MAP3K20: variants seen among roughly 807,000 people sequenced by gnomAD.
MAP3K20 encodes HCCS-4.
MAP3K20 carries 40 observed loss-of-function variants against 85.7 expected under a neutral mutation model. The ratio of observed to expected loss-of-function variants is 0.47; its 90% CI spans 0.36 to 0.61. The LOEUF (loss-of-function observed/expected upper bound fraction) is 0.61. Ranked by LOEUF, MAP3K20 falls within the 20% of genes least tolerant of loss-of-function variation. The probability of loss-of-function intolerance (pLI) is 0.00; values close to 1 mark genes in which losing one functional copy is unlikely to be tolerated. For synonymous variants in MAP3K20, 325 were observed against 327.7 expected, an observed-to-expected ratio of 0.99 and a Z score of 0.09; for missense variants, 817 against 961.7, an observed-to-expected ratio of 0.85 and a Z score of 1.99.
At chr2:173,233,825 G>T (rs1684583708) in intron 14 of MAP3K20, among the ~76,000 whole-genome samples, 1 of 152,140 alleles carries the variant, frequency 6.6e-6, no homozygotes, top group Non-Finnish European at 1.5e-5. Context: ...CATCCTTACG[G>T]ACTCTCAGCA....
chr2:173,232,163 CA>C (rs1486492702), intron 12 of MAP3K20, 28 bp from the exon 13 acceptor site: 10 of 1,614,062 alleles, frequency 6.2e-6, no homozygotes, highest in Non-Finnish European at 6.8e-6. Flanking sequence ...TGTGAATCTT[CA>C]AAACCGTATG....
chr2:173,249,990 G>A (rs535510478), intron 16 of MAP3K20, among the ~76,000 whole-genome samples: 2 of 151,966 alleles, frequency 1.3e-5, no homozygotes, highest in Admixed American at 6.5e-5. Flanking sequence ...TATCTCCACC[G>A]GTGTCTACTT....
intron 1 of MAP3K20, among the ~76,000 whole-genome samples, chr2:173,082,324 C>A (rs56193548): frequency 0.27 from 41,031 of 152,104 alleles, 6,869 homozygotes; most frequent in Non-Finnish European, 0.37. Flanking sequence ...GCCTCTTGAT[C>A]ATCAAAACAT....
rs546524598 is a variant in MAP3K20, at chr2:173,206,621, C to A, written c.744+2751C>A. ...TTCCTTGGTTATTCTATTTATCCCA[C>A]CCCAGGCTTAGCACTTTTCCTAAAC... On this transcript the variant is annotated intron_variant, in intron 9 of 19. Transcript: ENST00000375213. 4.5e-5 allele frequency among the ~76,000 whole-genome samples: 6 copies of A among 132,468 alleles called. No individual in the cohort carries two copies. In the South Asian group the frequency reaches 1.4e-3, roughly 30 times the overall value. 86.9% of individuals were successfully genotyped at this position (132,468 alleles called of 152,430 possible).
At chr2:173,209,943 T>C (rs1323373891) in intron 10 of MAP3K20, 108 bp downstream of exon 10, 2 of 994,916 alleles carry the variant, frequency 2.0e-6, no homozygotes, top group Non-Finnish European at 3.1e-6. Flanking sequence ...TTTCTGACCA[T>C]AGCTTAGGGA....
intron 2 of MAP3K20, among the ~76,000 whole-genome samples, chr2:173,121,716 T>G (rs1688298859): frequency 6.6e-6 from 1 of 152,008 alleles, no homozygotes; most frequent in Non-Finnish European, 1.5e-5. Flanking sequence ...AGGATACGTG[T>G]CTATTCCATT....
intron 16 of MAP3K20, among the ~76,000 whole-genome samples, chr2:173,244,068 G>C (rs147833763): frequency 6.6e-6 from 1 of 152,208 alleles, no homozygotes; most frequent in Non-Finnish European, 1.5e-5. Flanking sequence ...GCCTGTGACA[G>C]TGCCATGGGT....
intron 2 of MAP3K20, chr2:173,166,465 T>C (rs1033395493): frequency 6.6e-6 from 1 of 151,490 alleles, no homozygotes; most frequent in Non-Finnish European, 1.5e-5. Context: ...ATCTTTTATA[T>C]AGAAAATTTT....
At chr2:173,187,346 A>C (rs1437613646) in intron 4 of MAP3K20, among the ~76,000 whole-genome samples, 1 of 152,216 alleles carries the variant, frequency 6.6e-6, no homozygotes, top group African/African-American at 2.4e-5. Context: ...CCACAGTCAA[A>C]TTCCAACCTC....
At chr2:173,134,973 G>T (rs374742068) in intron 2 of MAP3K20, among the ~76,000 whole-genome samples, 1 of 152,146 alleles carries the variant, frequency 6.6e-6, no homozygotes, top group Non-Finnish European at 1.5e-5. Flanking sequence ...ACATATTTGT[G>T]CCTTAGTCTC....
Position 173,203,994 on chromosome 2 carries a change from C to T in MAP3K20, c.744+124C>T, listed in dbSNP as rs536581353. 7.8e-5 allele frequency: 65 copies of T among 835,530 alleles called. No individual in the cohort carries two copies. In the African/African-American group the frequency reaches 1.1e-3, roughly 14 times the overall value. 51.8% of individuals were successfully genotyped at this position (835,530 alleles called of 1,614,324 possible). On this transcript the variant is annotated intron_variant, in intron 9 of 19. Transcript: ENST00000375213. Reference sequence around the variant, plus strand: ...AAAGCTGGATTGATGCTCCTATGAGCCCCAGATTGACTGTTAAGGTTTTCT... The same window carrying T: ...AAAGCTGGATTGATGCTCCTATGAGTCCCAGATTGACTGTTAAGGTTTTCT...
chr2:173,172,992 T>C (rs1690044703), intron 3 of MAP3K20, among the ~76,000 whole-genome samples: 1 of 152,080 alleles, frequency 6.6e-6, no homozygotes, highest in African/African-American at 2.4e-5. Flanking sequence ...GAGACGGGGT[T>C]TCACCATGTT....
At chr2:173,249,893 G>C (rs1474824612) in intron 16 of MAP3K20, among the ~76,000 whole-genome samples, 1 of 152,052 alleles carries the variant, frequency 6.6e-6, no homozygotes, top group African/African-American at 2.4e-5. Context: ...CACTTGATTT[G>C]TTTCACTTTA....
chr2:173,083,849 C>CT (rs1314836763), intron 1 of MAP3K20, among the ~76,000 whole-genome samples: 1 of 152,226 alleles, frequency 6.6e-6, no homozygotes, highest in African/African-American at 2.4e-5. Context: ...CAAAAAGTAT[C>CT]TTTTTTGTCA....
intron 16 of MAP3K20, among the ~76,000 whole-genome samples, chr2:173,245,365 A>T (rs1157977873): frequency 6.6e-6 from 1 of 152,158 alleles, no homozygotes; most frequent in African/African-American, 2.4e-5. Flanking sequence ...CTGCCCTGCT[A>T]TCATAATCAG....
intron 2 of MAP3K20, chr2:173,160,451 T>C (rs1382570834): frequency 6.6e-6 from 1 of 152,230 alleles, no homozygotes; most frequent in African/African-American, 2.4e-5. Flanking sequence ...AAGCCCTGGT[T>C]ATGATACTCT....
intron 2 of MAP3K20, among the ~76,000 whole-genome samples, chr2:173,134,343 G>A (rs1029334904): frequency 7.7e-6 from 1 of 130,252 alleles, no homozygotes; most frequent in Non-Finnish European, 1.6e-5. Context: ...AACCACAGGC[G>A]CATGCCACCA....
At chr2:173,140,498 G>A (rs1322230032) in intron 2 of MAP3K20, among the ~76,000 whole-genome samples, 1 of 152,030 alleles carries the variant, frequency 6.6e-6, no homozygotes, top group African/African-American at 2.4e-5. Flanking sequence ...TTAGAGGCAT[G>A]CACCACCACA....
rs1685439482 is a variant in MAP3K20, at chr2:173,266,859, A to G, written c.*109A>G. 8.9e-7 allele frequency: 1 copy of G among 1,123,418 alleles called. No homozygotes were observed. 69.6% of individuals were successfully genotyped at this position (1,123,418 alleles called of 1,614,324 possible). On this transcript the variant is annotated 3_prime_UTR_variant, in exon 20 of 20. Coordinates refer to ENST00000375213, the MANE Select transcript of MAP3K20 (RefSeq NM_016653.3). ...CAGATTGAATTAACGAAAAGACAACACTTCCAGTTTTTGGATTGGGAAATA... is the reference window on the plus strand; with the variant it reads ...CAGATTGAATTAACGAAAAGACAACGCTTCCAGTTTTTGGATTGGGAAATA...
Sources: gnomAD v4.1 joint callset for allele counts (sites outside exome capture counted in the v4.1 genomes callset) on GRCh38, gnomAD v4.1.1 for gene constraint, MANE v1.5 for transcripts, NCBI Gene and HGNC (gene_info 2026-07-23, HGNC 2026-07-21) for gene names.